Variants in CNTNAP2 observed in about 807,000 individuals in gnomAD.
CNTNAP2 encodes the protein contactin-associated protein-like 2.
A neutral mutation model predicts 155.2 loss-of-function variants in CNTNAP2; 98 were observed. The observed-to-expected ratio is 0.63, with a 90% CI of 0.54 to 0.75. The LOEUF (loss-of-function observed/expected upper bound fraction) is 0.75, where lower values mean the gene tolerates loss of function less well. Among genes scored for constraint, CNTNAP2 ranks in the 30% least tolerant of loss-of-function variants. The pLI, the probability that CNTNAP2 is intolerant of heterozygous loss-of-function variation, is 0.00. For missense variants in CNTNAP2, 1,727 were observed against 1,688.1 expected, an observed-to-expected ratio of 1.02 and a Z score of -0.40; for synonymous variants, 651 against 631.2, an observed-to-expected ratio of 1.03 and a Z score of -0.47.
intron 4 of CNTNAP2, among the ~76,000 whole-genome samples, chr7:147,044,767 CTCTT>C (rs1343973579): frequency 6.6e-6 from 1 of 152,052 alleles, no homozygotes; most frequent in African/African-American, 2.4e-5. Context: ...CTCTTCCTCT[CTCTT>C]TTTCTTCTTA....
intron 1 of CNTNAP2, among the ~76,000 whole-genome samples, chr7:146,432,171 G>A (rs1041075699): frequency 6.6e-6 from 1 of 152,098 alleles, no homozygotes; most frequent in Non-Finnish European, 1.5e-5. Context: ...ACTCATTGAT[G>A]TAGAAACAGG....
chr7:147,395,866 G>C, intron 10 of CNTNAP2, 86 bp downstream of exon 10: 1 of 1,479,760 alleles, frequency 6.8e-7, no homozygotes, highest in Non-Finnish European at 9.4e-7. Flanking sequence ...CATCCCAAAA[G>C]AAAATTAAAG....
intron 1 of CNTNAP2, among the ~76,000 whole-genome samples, chr7:146,142,798 T>C (rs1275151299): frequency 6.6e-6 from 1 of 152,156 alleles, no homozygotes; most frequent in African/African-American, 2.4e-5. Context: ...TATTCCCAAA[T>C]TGAGAGACAG....
chr7:148,383,688 C>A lies in CNTNAP2; in HGVS notation c.3515C>A (p.Thr1172Asn). Residue 1172 changes from threonine (T) to asparagine (N), a missense_variant, in exon 22 of 24, where the codon ACC becomes AAC. By Grantham distance (65) the Thr-to-Asn change is moderately conservative (BLOSUM62 0). Transcript: ENST00000361727. ...KIDQEIHKYN[T>N]PGFTGCLSRV... ...GACCAAGAGATTCACAAATACAACA[C>A]CCCAGGATTCACTGGTTGCCTCTCC... The A allele has an allele frequency of 6.2e-7, 1 of 1,614,178 alleles. No homozygotes were observed. Among genetic ancestry groups the A allele is most frequent in the Non-Finnish European group, 8.5e-7 (1 of 1,180,030 alleles).
Position 146,582,932 on chromosome 7 carries a change from G to A in CNTNAP2, c.98-191339G>A, listed in dbSNP as rs184682727. ...TTAAGTATAAATATTAAATATAGCC[G>A]TATTAATATATCTATAATATTTAAT... On this transcript the variant is annotated intron_variant, in intron 1 of 23. Transcript: ENST00000361727. Among the ~76,000 whole-genome samples, 401 of 148,472 alleles carry A rather than the reference G, an allele frequency of 2.7e-3. 4 individuals carry two copies. The South Asian group carries it at 0.031, about 11-fold the overall frequency.
intron 1 of CNTNAP2, among the ~76,000 whole-genome samples, chr7:146,311,276 T>C (rs558767710): frequency 6.6e-6 from 1 of 152,282 alleles, no homozygotes; most frequent in East Asian, 1.9e-4. Context: ...CAAATTTCTG[T>C]GACCCAAATC....
intron 10 of CNTNAP2, among the ~76,000 whole-genome samples, chr7:147,423,541 A>G (rs375056510): frequency 1.3e-5 from 2 of 152,086 alleles, no homozygotes; most frequent in African/African-American, 4.8e-5. Flanking sequence ...CCCTTGGCCC[A>G]TCACCTCCTC....
chr7:147,724,507 C>G (rs904849130), intron 13 of CNTNAP2, among the ~76,000 whole-genome samples: 2 of 151,972 alleles, frequency 1.3e-5, no homozygotes, highest in African/African-American at 4.8e-5. Flanking sequence ...ATCCAAACAG[C>G]CTCTTTAAGT....
chr7:146,727,118 A>G (rs745916441), intron 1 of CNTNAP2, among the ~76,000 whole-genome samples: 2 of 152,192 alleles, frequency 1.3e-5, no homozygotes, highest in Non-Finnish European at 2.9e-5. Context: ...TAGGAAACAT[A>G]TGGTCCTATA....
At chr7:147,909,232 C>A (rs1800019078) in intron 14 of CNTNAP2, among the ~76,000 whole-genome samples, 1 of 152,074 alleles carries the variant, frequency 6.6e-6, no homozygotes, top group African/African-American at 2.4e-5. Flanking sequence ...ATATCAGGAT[C>A]AAGGAAGTTT....
chr7:146,144,046 G>A (rs2116762037), intron 1 of CNTNAP2, among the ~76,000 whole-genome samples: 1 of 152,292 alleles, frequency 6.6e-6, no homozygotes, highest in East Asian at 1.9e-4. Flanking sequence ...ACAGGTGTGA[G>A]CCACCATGCC....
intron 10 of CNTNAP2, among the ~76,000 whole-genome samples, chr7:147,455,541 C>A (rs1797904888): frequency 6.6e-6 from 1 of 151,968 alleles, no homozygotes; most frequent in African/African-American, 2.4e-5. Context: ...ATTAAATTAA[C>A]AAATAACTCT....
At chr7:147,184,468 A>C (rs1195510641) in intron 8 of CNTNAP2, among the ~76,000 whole-genome samples, 1 of 152,212 alleles carries the variant, frequency 6.6e-6, no homozygotes, top group Non-Finnish European at 1.5e-5. Context: ...ATATACTCTT[A>C]CAGACTCTTG....
intron 1 of CNTNAP2, among the ~76,000 whole-genome samples, chr7:146,761,677 A>G (rs1043855548): frequency 6.0e-5 from 9 of 150,588 alleles, no homozygotes; most frequent in African/African-American, 1.5e-4. Context: ...TTTTTTTTAA[A>G]TATTAAAACT....
At chr7:148,375,456 T>C (rs1798966231) in intron 21 of CNTNAP2, among the ~76,000 whole-genome samples, 1 of 150,328 alleles carries the variant, frequency 6.7e-6, no homozygotes. Context: ...GCCTCCCAGG[T>C]TCAAGTGATT....
At chr7:148,248,330 C>G (rs1796310094) in intron 20 of CNTNAP2, among the ~76,000 whole-genome samples, 1 of 152,072 alleles carries the variant, frequency 6.6e-6, no homozygotes, top group South Asian at 2.1e-4. Context: ...TCCCAAGTAG[C>G]TGGGACTACA....
Position 147,003,615 on chromosome 7 carries a change from A to T in CNTNAP2, c.403-40292A>T, listed in dbSNP as rs527420801. ...AATCAACAAATAGATACGCATGCAT[A>T]TTATTTAGAGATATATATAAGATAT... On this transcript the variant is annotated intron_variant, in intron 3 of 23. Coordinates refer to ENST00000361727, the MANE Select transcript of CNTNAP2 (RefSeq NM_014141.6). 3.4e-3 allele frequency among the ~76,000 whole-genome samples: 511 copies of T among 152,164 alleles called. 8 individuals carry two copies. Among genetic ancestry groups the T allele is most frequent in the African/African-American group, 0.012 (490 of 41,536 alleles).
chr7:146,218,536 C>CA (rs1338129386), intron 1 of CNTNAP2, among the ~76,000 whole-genome samples: 2 of 74,164 alleles, frequency 2.7e-5, no homozygotes, highest in African/African-American at 3.5e-5. Context: ...CAAAAACAAA[C>CA]AAACAAAAAA....
chr7:147,084,822 A>G, intron 4 of CNTNAP2, among the ~76,000 whole-genome samples: 2 of 148,622 alleles, frequency 1.3e-5, no homozygotes, highest in South Asian at 4.2e-4. Context: ...TTTATTATAT[A>G]TAATTTATAT....
Sources: gnomAD v4.1 joint callset for allele counts (sites outside exome capture counted in the v4.1 genomes callset) on GRCh38, gnomAD v4.1.1 for gene constraint, MANE v1.5 for transcripts, NCBI Gene and HGNC (gene_info 2026-07-23, HGNC 2026-07-21) for gene names.